SERPINI1: variants seen among roughly 807,000 people sequenced by gnomAD.
The protein encoded by SERPINI1 is serpin family I member 1.
Under a neutral mutation model 41.1 loss-of-function variants are expected in SERPINI1, and 19 were observed. The ratio of observed to expected loss-of-function variants is 0.46; its 90% CI spans 0.32 to 0.68. SERPINI1 has a LOEUF of 0.68. SERPINI1 is among the 30% of genes least tolerant of loss of function. The probability of loss-of-function intolerance (pLI) is 0.03; values close to 1 mark genes in which losing one functional copy is unlikely to be tolerated. For missense variants in SERPINI1, 460 were observed against 479.2 expected (o/e 0.96, Z 0.37); for synonymous variants, 138 against 156.6 (o/e 0.88, Z 0.89).
chr3:167,737,312 TA>T (rs1344215458), intron 1 of SERPINI1, among the ~76,000 whole-genome samples: 9 of 152,206 alleles, frequency 5.9e-5, no homozygotes, highest in African/African-American at 2.2e-4. Flanking sequence ...TAATTACCCC[TA>T]AGCAAATCAG....
At position 167,739,479 on chromosome 3, in the gene SERPINI1, C is replaced by T. The variant is rs549215960; in HGVS notation, c.-19+3656C>T. 6.6e-5 allele frequency among the ~76,000 whole-genome samples: 10 copies of T among 152,238 alleles called. No homozygotes were observed. The East Asian group carries it at 1.4e-3, about 21-fold the overall frequency. On this transcript the variant is annotated intron_variant, in intron 1 of 8. Transcript: ENST00000446050. The stretch of plus-strand genomic sequence containing the variant: ...AGCACAATTGGATTCACACTGTGTG[C>T]GCTGCAAATACATTACAGATTTGAG...
chr3:167,818,410 T>C (rs1712196096), intron 6 of SERPINI1, among the ~76,000 whole-genome samples: 1 of 152,228 alleles, frequency 6.6e-6, no homozygotes, highest in Non-Finnish European at 1.5e-5. Flanking sequence ...GTATAATAGA[T>C]ATTCATAGTA....
chr3:167,763,537 G>A (rs903855021), intron 1 of SERPINI1, among the ~76,000 whole-genome samples: 5 of 151,994 alleles, frequency 3.3e-5, no homozygotes, highest in Admixed American at 1.3e-4. Flanking sequence ...GCACCACCAC[G>A]CCCAGCTAAT....
At chr3:167,738,108 C>T (rs1034408006) in intron 1 of SERPINI1, among the ~76,000 whole-genome samples, 5 of 152,008 alleles carry the variant, frequency 3.3e-5, no homozygotes, top group African/African-American at 9.7e-5. Context: ...TGAAAACGTT[C>T]GTTATATGGC....
chr3:167,772,597 T>C (rs1452146097), intron 1 of SERPINI1, among the ~76,000 whole-genome samples: 1 of 152,162 alleles, frequency 6.6e-6, no homozygotes. Context: ...GCTAATTGTC[T>C]GTATTTTTAA....
At chr3:167,791,390 A>G (rs1727501826) in intron 3 of SERPINI1, among the ~76,000 whole-genome samples, 1 of 152,184 alleles carries the variant, frequency 6.6e-6, no homozygotes, top group African/African-American at 2.4e-5. Context: ...ATATCCCTTA[A>G]TCTCCAAGAT....
chr3:167,804,606 G>A (rs896012316), intron 5 of SERPINI1, among the ~76,000 whole-genome samples: 6 of 152,142 alleles, frequency 3.9e-5, no homozygotes, highest in African/African-American at 7.2e-5. Flanking sequence ...GCCAAGGCAG[G>A]AAGATTGCTT....
At chr3:167,824,763 G>GT (rs1052301933) in intron 8 of SERPINI1, among the ~76,000 whole-genome samples, 1 of 151,956 alleles carries the variant, frequency 6.6e-6, no homozygotes, top group Non-Finnish European at 1.5e-5. Flanking sequence ...AATAAGGCTG[G>GT]TGAGGTGGCT....
intron 1 of SERPINI1, among the ~76,000 whole-genome samples, chr3:167,784,239 A>G (rs1727232923): frequency 6.6e-6 from 1 of 152,188 alleles, no homozygotes; most frequent in South Asian, 2.1e-4. Context: ...ATCCATGTGC[A>G]TGTATTTTCC....
chr3:167,751,286 T>C (rs1726042711), intron 1 of SERPINI1, among the ~76,000 whole-genome samples: 1 of 152,192 alleles, frequency 6.6e-6, no homozygotes, highest in South Asian at 2.1e-4. Context: ...AACTGCAGAC[T>C]TCTGAGTTTG....
At chr3:167,816,865 T>C (rs984557701) in intron 6 of SERPINI1, among the ~76,000 whole-genome samples, 2 of 152,000 alleles carry the variant, frequency 1.3e-5, no homozygotes, top group African/African-American at 4.8e-5. Context: ...GAAACAAAGA[T>C]ACAGAAATGA....
intron 1 of SERPINI1, among the ~76,000 whole-genome samples, chr3:167,745,329 TGAA>T (rs1252390179): frequency 6.6e-5 from 10 of 151,938 alleles, no homozygotes; most frequent in African/African-American, 2.2e-4. Flanking sequence ...TTATCTCAAT[TGAA>T]GAAGAAAAAT....
At chr3:167,783,041 T>G (rs1322291930) in intron 1 of SERPINI1, among the ~76,000 whole-genome samples, 1 of 152,104 alleles carries the variant, frequency 6.6e-6, no homozygotes, top group Non-Finnish European at 1.5e-5. Flanking sequence ...ACTCCTGAGG[T>G]TTTGTAAACA....
chr3:167,815,064 A>G (rs1176644732), intron 6 of SERPINI1, among the ~76,000 whole-genome samples: 2 of 152,226 alleles, frequency 1.3e-5, no homozygotes, highest in Non-Finnish European at 2.9e-5. Context: ...TCAATTTATC[A>G]AATATCTGAG....
chr3:167,786,923 G>A (rs1727335343), intron 1 of SERPINI1, among the ~76,000 whole-genome samples: 1 of 152,172 alleles, frequency 6.6e-6, no homozygotes, highest in South Asian at 2.1e-4. Context: ...GCTGTGTTCA[G>A]TAAGTGTGTA....
At chr3:167,818,182 C>A (rs765919937) in intron 6 of SERPINI1, among the ~76,000 whole-genome samples, 1 of 151,900 alleles carries the variant, frequency 6.6e-6, no homozygotes, top group Non-Finnish European at 1.5e-5. Flanking sequence ...CACGCCATCA[C>A]GCCTGGCTAA....
rs566037690 is a variant in SERPINI1, at chr3:167,746,567, CAA to C, written c.-19+10745_-19+10746del. On this transcript the variant is annotated intron_variant, in intron 1 of 8. Transcript: ENST00000446050. ...TAACTTATAATTCAACAATTTAAAA[CAA>C]TGCAATTAAAAGTAGGCAAAGGATA... is the stretch of plus-strand genomic sequence containing the variant. 9.2e-5 allele frequency among the ~76,000 whole-genome samples: 14 copies of C among 152,236 alleles called. No individual in the cohort carries two copies. In the South Asian group the frequency reaches 2.9e-3, roughly 32 times the overall value.
rs1726595636 is a variant in SERPINI1 at position 167,767,232 on chromosome 3, G to A, written c.-18-21879G>A. On this transcript the variant is annotated intron_variant, in intron 1 of 8. Coordinates refer to ENST00000446050, the MANE Select transcript of SERPINI1 (RefSeq NM_001122752.2). ...GAATTATGCTAAATCTACTCTGCCT[G>A]TGCTCTACAAATGGAACAACACAAC... 2.0e-5 allele frequency among the ~76,000 whole-genome samples: 3 copies of A among 152,194 alleles called. No homozygotes were observed. In the South Asian group the frequency reaches 6.2e-4, roughly 31 times the overall value.
At chr3:167,797,406 T>A (rs1340322491) in intron 5 of SERPINI1, among the ~76,000 whole-genome samples, 1 of 152,164 alleles carries the variant, frequency 6.6e-6, no homozygotes, top group African/African-American at 2.4e-5. Context: ...GTTTTTCTCA[T>A]GTAATCTTTG....
Sources: gnomAD v4.1 joint callset for allele counts (sites outside exome capture counted in the v4.1 genomes callset) on GRCh38, gnomAD v4.1.1 for gene constraint, MANE v1.5 for transcripts, NCBI Gene and HGNC (gene_info 2026-07-23, HGNC 2026-07-21) for gene names.